KCNIP4: variants seen among roughly 807,000 people sequenced by gnomAD.
KCNIP4 encodes the protein potassium voltage-gated channel interacting protein 4.
A neutral mutation model predicts 34.0 loss-of-function variants in KCNIP4; 12 were observed. The ratio of observed to expected loss-of-function variants is 0.35; its 90% confidence interval spans 0.23 to 0.57. The LOEUF (loss-of-function observed/expected upper bound fraction) is 0.57, where lower values mean the gene tolerates loss of function less well. Among genes scored for constraint, KCNIP4 ranks in the 20% least tolerant of loss-of-function variants. The pLI is 0.83. For missense variants in KCNIP4, 238 were observed against 311.7 expected (o/e 0.76, Z 1.78); for synonymous variants, 124 against 102.2 (o/e 1.21, Z -1.29).
intron 1 of KCNIP4, among the ~76,000 whole-genome samples, chr4:21,355,219 A>G (rs918655338): frequency 2.0e-5 from 3 of 152,048 alleles, no homozygotes; most frequent in Non-Finnish European, 4.4e-5. Context: ...AAAATTGACA[A>G]CCTAACATCA....
At chr4:21,296,307 T>C (rs1231303014) in intron 1 of KCNIP4, among the ~76,000 whole-genome samples, 1 of 151,938 alleles carries the variant, frequency 6.6e-6, no homozygotes, top group Non-Finnish European at 1.5e-5. Flanking sequence ...CAGTGTTTGG[T>C]TTTGAGTGAC....
chr4:21,619,311 G>T (rs1345227759), intron 1 of KCNIP4, among the ~76,000 whole-genome samples: 1 of 152,170 alleles, frequency 6.6e-6, no homozygotes, highest in Admixed American at 6.5e-5. Flanking sequence ...ATTATCAACT[G>T]AAATATTTGA....
chr4:21,080,688 T>TA (rs1187743239), intron 1 of KCNIP4, among the ~76,000 whole-genome samples: 2 of 151,322 alleles, frequency 1.3e-5, no homozygotes, highest in African/African-American at 4.9e-5. Context: ...TAAGATCTTG[T>TA]AAAAATTAGT....
At chr4:21,925,779 T>C (rs1452963241) in intron 1 of KCNIP4, among the ~76,000 whole-genome samples, 1 of 152,218 alleles carries the variant, frequency 6.6e-6, no homozygotes, top group African/African-American at 2.4e-5. Context: ...GTCCACTATA[T>C]ATCAAGACCC....
Position 21,513,526 on chromosome 4 carries a change from C to A in KCNIP4, c.61+435045G>T, listed in dbSNP as rs553086792. ...AAATCAGAAAAACATGGGTTTGAAT[C>A]CTAGATCTGCCTCTTACTATCTGCA... On this transcript the variant is annotated intron_variant, in intron 1 of 8. Coordinates refer to ENST00000382152, the MANE Select transcript of KCNIP4 (RefSeq NM_025221.6). Among the ~76,000 whole-genome samples the A allele has an allele frequency of 2.6e-5, 4 of 152,248 alleles. No individual in the cohort carries two copies. In the South Asian group the frequency reaches 8.3e-4, roughly 32 times the overall value.
chr4:21,205,291 T>C (rs945554344), intron 1 of KCNIP4, among the ~76,000 whole-genome samples: 1 of 152,214 alleles, frequency 6.6e-6, no homozygotes, highest in Non-Finnish European at 1.5e-5. Context: ...CCTGCATCTT[T>C]ATATCTTTTT....
intron 1 of KCNIP4, among the ~76,000 whole-genome samples, chr4:21,815,842 C>T (rs191407256): frequency 1.4e-4 from 21 of 152,336 alleles, no homozygotes; most frequent in African/African-American, 4.6e-4. Flanking sequence ...TTTAGGCCAT[C>T]TGTCCCATCT....
intron 1 of KCNIP4, among the ~76,000 whole-genome samples, chr4:21,749,642 C>G (rs565585174): frequency 1.3e-5 from 2 of 152,258 alleles, no homozygotes; most frequent in African/African-American, 4.8e-5. Context: ...ACCCGTCATT[C>G]TTGGACCTGT....
intron 3 of KCNIP4, among the ~76,000 whole-genome samples, chr4:20,830,212 A>T (rs568459485): frequency 6.6e-6 from 1 of 152,212 alleles, no homozygotes; most frequent in African/African-American, 2.4e-5. Flanking sequence ...GTGTAACTCC[A>T]GAGTCTTTGT....
At chr4:21,803,444 A>G (rs1459557209) in intron 1 of KCNIP4, among the ~76,000 whole-genome samples, 1 of 152,168 alleles carries the variant, frequency 6.6e-6, no homozygotes, top group African/African-American at 2.4e-5. Flanking sequence ...ATCTTTGTAC[A>G]ATGCACTGTG....
chr4:21,137,304 A>AT (rs1751576544), intron 1 of KCNIP4, among the ~76,000 whole-genome samples: 1 of 152,174 alleles, frequency 6.6e-6, no homozygotes, highest in Non-Finnish European at 1.5e-5. Context: ...AGTGAATAGC[A>AT]TTTCCACAGA....
intron 1 of KCNIP4, among the ~76,000 whole-genome samples, chr4:20,977,182 A>G (rs1179036302): frequency 1.3e-5 from 2 of 152,176 alleles, no homozygotes; most frequent in African/African-American, 4.8e-5. Flanking sequence ...TATCCCAGCT[A>G]ATATGAGTAA....
intron 1 of KCNIP4, among the ~76,000 whole-genome samples, chr4:21,410,680 C>T (rs1188205406): frequency 6.6e-6 from 1 of 152,164 alleles, no homozygotes; most frequent in Admixed American, 6.6e-5. Context: ...ACCTCCCAGC[C>T]AGGCCATTTC....
chr4:21,310,272 G>A (rs896544489), intron 1 of KCNIP4, among the ~76,000 whole-genome samples: 11 of 152,086 alleles, frequency 7.2e-5, no homozygotes, highest in African/African-American at 2.7e-4. Flanking sequence ...CTGACCTCAT[G>A]TGATCCGTCC....
intron 1 of KCNIP4, among the ~76,000 whole-genome samples, chr4:21,197,249 A>C (rs1001424715): frequency 2.0e-5 from 3 of 152,146 alleles, no homozygotes; most frequent in African/African-American, 7.2e-5. Flanking sequence ...AGATATATGC[A>C]CTATTTTCTT....
chr4:21,538,795 T>C (rs1307235982), intron 1 of KCNIP4, among the ~76,000 whole-genome samples: 1 of 152,190 alleles, frequency 6.6e-6, no homozygotes, highest in African/African-American at 2.4e-5. Context: ...TCTATATGAA[T>C]GTGGCACGAC....
intron 1 of KCNIP4, among the ~76,000 whole-genome samples, chr4:21,622,686 T>C (rs1441751450): frequency 1.3e-5 from 2 of 152,172 alleles, no homozygotes; most frequent in African/African-American, 2.4e-5. Flanking sequence ...TAATTCTCCA[T>C]ATTTATAATT....
chr4:20,864,099 CGTAT>C (rs563264505), intron 2 of KCNIP4, among the ~76,000 whole-genome samples: 57 of 147,020 alleles, frequency 3.9e-4, no homozygotes, highest in African/African-American at 7.2e-4. Flanking sequence ...TGCATGTATA[CGTAT>C]GTATGTATAC....
chr4:20,988,910 C>G (rs1736831694), intron 1 of KCNIP4, among the ~76,000 whole-genome samples: 1 of 152,214 alleles, frequency 6.6e-6, no homozygotes, highest in Non-Finnish European at 1.5e-5. Flanking sequence ...ACTATAATCA[C>G]TGGGCAGAAA....
Sources: allele counts gnomAD v4.1 joint callset (sites outside exome capture counted in the v4.1 genomes callset), GRCh38; gene constraint gnomAD v4.1.1; transcripts MANE v1.5; gene names NCBI Gene and HGNC (gene_info 2026-07-23, HGNC 2026-07-21).